The following ATP6V1G3 variants were observed in gnomAD, a reference collection of about 807,000 sequenced individuals.
ATP6V1G3 encodes the protein V-type proton ATPase subunit G 3.
In ATP6V1G3, 9 loss-of-function variants were observed where a neutral mutation model predicts 9.3. The ratio of observed to expected loss-of-function variants is 0.97; its 90% CI spans 0.59 to 1.69. ATP6V1G3 has a LOEUF of 1.69. Ranked by LOEUF, ATP6V1G3 falls within the 40% of genes most tolerant of loss-of-function variation. The pLI is 0.00. For synonymous variants in ATP6V1G3, 43 were observed against 43.8 expected, an observed-to-expected ratio of 0.98 and a Z score of 0.07; for missense variants, 133 against 139.0, an observed-to-expected ratio of 0.96 and a Z score of 0.22.
chr1:198,527,116 G>A (rs1282300821), intron 2 of ATP6V1G3, among the ~76,000 whole-genome samples: 1 of 152,140 alleles, frequency 6.6e-6, no homozygotes, highest in Non-Finnish European at 1.5e-5. Flanking sequence ...CGGCACACAG[G>A]AGGCTGGTTT....
At chr1:198,540,941 A>G (rs944269217), upstream of ATP6V1G3, 1 of 382,826 alleles carries the variant, frequency 2.6e-6, no homozygotes, top group Non-Finnish European at 4.8e-6. Flanking sequence ...GCATCTACTT[A>G]TAAATAATGA....
chr1:198,526,156 C>G (rs1416187605), intron 2 of ATP6V1G3, among the ~76,000 whole-genome samples: 1 of 152,278 alleles, frequency 6.6e-6, no homozygotes, highest in East Asian at 1.9e-4. Flanking sequence ...AGTACTATAA[C>G]AATGACTAGT....
chr1:198,537,691 C>T (rs1432873317), intron 1 of ATP6V1G3, among the ~76,000 whole-genome samples: 2 of 152,204 alleles, frequency 1.3e-5, no homozygotes, highest in African/African-American at 2.4e-5. Context: ...CCTCTCCTGT[C>T]ATCATGCCTC....
intron 2 of ATP6V1G3, among the ~76,000 whole-genome samples, chr1:198,527,794 AC>A (rs996981308): frequency 6.6e-6 from 1 of 152,214 alleles, no homozygotes; most frequent in African/African-American, 2.4e-5. Context: ...TATGCAAAAA[AC>A]AATATAAAAT....
At chr1:198,538,132 C>T (rs1178497714) in intron 1 of ATP6V1G3, among the ~76,000 whole-genome samples, 1 of 152,104 alleles carries the variant, frequency 6.6e-6, no homozygotes. Flanking sequence ...TGGGTATTTA[C>T]TATTACTGGT....
At chr1:198,529,210 A>G in intron 1 of ATP6V1G3, 29 bp from the exon 2 acceptor site, 1 of 431,724 alleles carries the variant, frequency 2.3e-6, no homozygotes, top group Non-Finnish European at 3.5e-6. Flanking sequence ...ATATATATAT[A>G]TATATAATTA....
chr1:198,537,160 C>T (rs76162005), intron 1 of ATP6V1G3, among the ~76,000 whole-genome samples: 3,926 of 152,162 alleles, frequency 0.026, 91 homozygotes, highest in South Asian at 0.038. Context: ...TTCTATAGAC[C>T]GCGTGGCCTT....
At chr1:198,536,529 A>T in intron 1 of ATP6V1G3, 2 of 554,538 alleles carry the variant, frequency 3.6e-6, no homozygotes, top group Non-Finnish European at 6.5e-6. Flanking sequence ...AAGATAATTT[A>T]AAGTAGTGCA....
At chr1:198,527,172 A>G (rs1659687787) in intron 2 of ATP6V1G3, among the ~76,000 whole-genome samples, 1 of 152,122 alleles carries the variant, frequency 6.6e-6, no homozygotes, top group South Asian at 2.1e-4. Flanking sequence ...GTTAATGAGG[A>G]TAAGATTTAA....
chr1:198,529,525 C>T (rs1659811217), intron 1 of ATP6V1G3, among the ~76,000 whole-genome samples: 1 of 151,870 alleles, frequency 6.6e-6, no homozygotes, highest in African/African-American at 2.4e-5. Context: ...TGCCAGAGAA[C>T]AGATTTTAGC....
chr1:198,537,266 C>T (rs1660153296), intron 1 of ATP6V1G3, among the ~76,000 whole-genome samples: 1 of 152,132 alleles, frequency 6.6e-6, no homozygotes, highest in Non-Finnish European at 1.5e-5. Flanking sequence ...AGCAACTGCA[C>T]CAGGATCTGA....
Position 198,540,633 on chromosome 1 carries a change from C to T in ATP6V1G3, c.18G>A (p.Gln6=), listed in dbSNP as rs1660309784. MTSQS[Q]GIHQLLQAEK... is the part of the protein sequence containing the mutation. Reference sequence around the variant, plus strand: ...CTGCCTGAAGAAGCTGGTGGATCCCCTGAGACTGGCTTGTCATGGTAGTCT... The same window carrying T: ...CTGCCTGAAGAAGCTGGTGGATCCCTTGAGACTGGCTTGTCATGGTAGTCT... Residue 6 remains glutamine, a synonymous_variant, in exon 1 of 3, where the codon CAG becomes CAA. Coordinates refer to ENST00000367382, the MANE Select transcript of ATP6V1G3 (RefSeq NM_001376861.1). 1 of 1,613,960 alleles carries T rather than the reference C, an allele frequency of 6.2e-7. No individual in the cohort carries two copies. The highest frequency in any genetic ancestry group is 1.3e-5 in the African/African-American group (1 of 74,920).
intron 1 of ATP6V1G3, among the ~76,000 whole-genome samples, chr1:198,538,758 C>T (rs1660220472): frequency 6.6e-6 from 1 of 151,670 alleles, no homozygotes; most frequent in Non-Finnish European, 1.5e-5. Context: ...CAAAAATTGG[C>T]CGGGTGTGGT....
intron 2 of ATP6V1G3, among the ~76,000 whole-genome samples, chr1:198,524,902 T>G (rs1225856405): frequency 6.6e-6 from 1 of 152,200 alleles, no homozygotes; most frequent in Non-Finnish European, 1.5e-5. Flanking sequence ...TTCAGGGTTG[T>G]TAGACTATTC....
In ATP6V1G3 at chr1:198,540,459, C is replaced by T. The variant is rs1571723398; in HGVS notation, c.82+110G>A. 23 of 1,114,876 alleles carry T rather than the reference C, an allele frequency of 2.1e-5. No individual in the cohort carries two copies. In the East Asian group the frequency reaches 5.4e-4, roughly 26 times the overall value. The allele number at this position is 1,114,876 out of a possible 1,614,324, so 69.1% of individuals were successfully genotyped here. The stretch of plus-strand genomic sequence containing the variant: ...ATGGGTGAAGGTCTCACAGGGAGTA[C>T]AGTAAACCAAAGTTTGAAACAAGGT... On this transcript the variant is annotated intron_variant, in intron 1 of 2. Coordinates refer to ENST00000367382, the MANE Select transcript of ATP6V1G3 (RefSeq NM_001376861.1).
intron 1 of ATP6V1G3, chr1:198,536,774 C>T: frequency 7.2e-7 from 1 of 1,389,884 alleles, no homozygotes; most frequent in Non-Finnish European, 1.0e-6. Flanking sequence ...TAGTCTATAT[C>T]ATTCTTCTAT....
At chr1:198,529,023 A>C in intron 2 of ATP6V1G3, 58 bp downstream of exon 2, 1 of 798,736 alleles carries the variant, frequency 1.3e-6, no homozygotes. Flanking sequence ...ATTAAACCTT[A>C]TAAATATGAA....
Position 198,529,066 on chromosome 1 carries a change from G to T in ATP6V1G3, c.183+15C>A, listed in dbSNP as rs2103133640. On this transcript the variant is annotated intron_variant, in intron 2 of 2. Transcript: ENST00000367382. ...TCTATTCTGCATAAGAAACAGTGCT[G>T]ACTTTCTTACTCACCTTAGATTGTT... The T allele has an allele frequency of 7.7e-7, 1 of 1,293,654 alleles. No homozygotes were observed. Among genetic ancestry groups the T allele is most frequent in the Non-Finnish European group, 1.1e-6 (1 of 913,370 alleles). 80.1% of individuals were successfully genotyped at this position (1,293,654 alleles called of 1,614,324 possible).
At chr1:198,538,654 C>G (rs964781886) in intron 1 of ATP6V1G3, among the ~76,000 whole-genome samples, 2 of 151,940 alleles carry the variant, frequency 1.3e-5, no homozygotes, top group Admixed American at 6.6e-5. Flanking sequence ...CCTGTAATTG[C>G]AGTAATTTGG....
Sources: allele counts gnomAD v4.1 joint callset (sites outside exome capture counted in the v4.1 genomes callset), GRCh38; gene constraint gnomAD v4.1.1; transcripts MANE v1.5; gene names NCBI Gene and HGNC (gene_info 2026-07-23, HGNC 2026-07-21).